PREP: variants seen among roughly 807,000 people sequenced by gnomAD.
PREP encodes the protein prolyl endopeptidase.
Under a neutral mutation model 87.6 loss-of-function variants are expected in PREP, and 29 were observed. The ratio of observed to expected loss-of-function variants is 0.33; its 90% confidence interval spans 0.25 to 0.45. PREP has a LOEUF of 0.45. PREP is among the 20% of genes least tolerant of loss of function. PREP has a pLI of 1.00. For synonymous variants in PREP, 337 were observed against 328.6 expected, an observed-to-expected ratio of 1.03 and a Z score of -0.28; for missense variants, 695 against 886.5, an observed-to-expected ratio of 0.78 and a Z score of 2.74.
intron 7 of PREP, among the ~76,000 whole-genome samples, chr6:105,352,356 G>C (rs1170469306): frequency 6.6e-6 from 1 of 152,128 alleles, no homozygotes; most frequent in East Asian, 1.9e-4. Context: ...TCCAGAATTT[G>C]TAACTGGCTG....
intron 2 of PREP, among the ~76,000 whole-genome samples, chr6:105,378,458 A>G (rs1772751108): frequency 6.6e-6 from 1 of 152,222 alleles, no homozygotes; most frequent in African/African-American, 2.4e-5. Context: ...AGACTGTCTT[A>G]AAACACACAC....
chr6:105,325,026 A>G (rs1394640313), intron 9 of PREP, among the ~76,000 whole-genome samples: 1 of 152,196 alleles, frequency 6.6e-6, no homozygotes. Flanking sequence ...TATACTTCCA[A>G]TTGCATTCTG....
chr6:105,342,026 TCA>T (rs1230663801), intron 7 of PREP, among the ~76,000 whole-genome samples: 3 of 152,140 alleles, frequency 2.0e-5, no homozygotes, highest in Non-Finnish European at 4.4e-5. Context: ...CCTCCCTAAC[TCA>T]TTTTACGAGG....
At chr6:105,382,787 G>C (rs143596301) in intron 2 of PREP, among the ~76,000 whole-genome samples, 1,541 of 152,284 alleles carry the variant, frequency 0.01, 11 homozygotes, top group Middle Eastern at 0.014. Context: ...GTAGAGACTG[G>C]CTCAGGCCCG....
intron 7 of PREP, among the ~76,000 whole-genome samples, chr6:105,339,076 G>C (rs189323336): frequency 2.0e-5 from 3 of 152,332 alleles, no homozygotes; most frequent in African/African-American, 7.2e-5. Flanking sequence ...AGAACGAACA[G>C]ACTGCCTCCT....
intron 10 of PREP, among the ~76,000 whole-genome samples, chr6:105,323,403 G>A (rs894621392): frequency 2.0e-4 from 31 of 152,042 alleles, no homozygotes; most frequent in African/African-American, 6.8e-4. Flanking sequence ...GTTACAATAG[G>A]AGCCCCAAGA....
At chr6:105,370,192 G>A (rs145138139) in intron 5 of PREP, among the ~76,000 whole-genome samples, 29 of 151,042 alleles carry the variant, frequency 1.9e-4, no homozygotes, top group Admixed American at 1.4e-3. Context: ...AGAAGATGCC[G>A]TGAGCTGAGA....
chr6:105,383,675 C>T (rs1772908994), intron 2 of PREP, among the ~76,000 whole-genome samples: 1 of 152,134 alleles, frequency 6.6e-6, no homozygotes, highest in African/African-American at 2.4e-5. Flanking sequence ...CTCTGCTTGT[C>T]CCCGTGTGGG....
Position 105,278,179 on chromosome 6 carries a change from T to C in PREP, c.2098A>G (p.Ile700Val), listed in dbSNP as rs763373862. ...CAGTCGACGTTCAGGCACCGCGCGA[T>C]GAACGCAAACATGTCTGAGACTTCC... is the stretch of plus-strand genomic sequence containing the variant. Reference protein sequence around the residue: ...IEEVSDMFAFIARCLNVDWIP With the variant: ...IEEVSDMFAFVARCLNVDWIP The change falls in exon 15 of 15, where the codon ATC (isoleucine) becomes GTC (valine). Residue 700 changes from isoleucine to valine, a missense_variant. By Grantham distance (29) the Ile-to-Val change is conservative (BLOSUM62 3). Transcript: ENST00000652536. This position sits in a 1 kb window ranked among gnomAD's most constrained non-coding sequence, Gnocchi z 4.2. 1 of 1,613,556 alleles carries C rather than the reference T, an allele frequency of 6.2e-7. No homozygotes were observed. The highest frequency in any genetic ancestry group is 1.1e-5 in the South Asian group (1 of 91,066).
Position 105,402,866 on chromosome 6 carries a change from A to C in PREP, c.26T>G (p.Val9Gly). 3.9e-6 allele frequency: 6 copies of C among 1,544,040 alleles called. No homozygotes were observed. The highest frequency in any genetic ancestry group is 4.4e-6 in the Non-Finnish European group (5 of 1,143,144). ...ACTTACGGCGGTCTCGTCGCGGTAC[A>C]CGTCGGGGTACTGAAGGGACAGCAT... is the stretch of plus-strand genomic sequence containing the variant. Reference protein sequence around the residue: MLSLQYPDVYRDETAVQDY... With the variant: MLSLQYPDGYRDETAVQDY... Residue 9 changes from valine to glycine, a missense_variant, in exon 1 of 15, where the codon GTG (valine) becomes GGG (glycine). Physicochemically the swap from Val to Gly is moderately radical, Grantham distance 109. Around this residue, in one of 5 missense-constraint regions of PREP, gnomAD observed 517 missense variants for 620.3 expected, o/e 0.83. Coordinates refer to ENST00000652536, the MANE Select transcript of PREP (RefSeq NM_002726.5).
chr6:105,329,299 T>C (rs1482915681), intron 8 of PREP, among the ~76,000 whole-genome samples: 2 of 152,086 alleles, frequency 1.3e-5, no homozygotes, highest in South Asian at 2.1e-4. Flanking sequence ...ATTACAGGTG[T>C]GTGCCACCAT....
In PREP at chr6:105,375,267, G is replaced by A. The variant is rs144167864; in HGVS notation, c.385+858C>T. ...GGGGCTCTATAACTCCCATCTTATT[G>A]ATTACAGAGGACTTCAATGTCTCAA... On this transcript the variant is annotated intron_variant, in intron 4 of 14. Transcript: ENST00000652536. Among the ~76,000 whole-genome samples the A allele has an allele frequency of 1.2e-3, 189 of 152,254 alleles. 3 individuals carry two copies. The highest frequency in any genetic ancestry group is 4.4e-3 in the African/African-American group (181 of 41,544).
intron 7 of PREP, among the ~76,000 whole-genome samples, chr6:105,345,401 G>A (rs866809441): frequency 6.6e-6 from 1 of 151,614 alleles, no homozygotes; most frequent in Non-Finnish European, 1.5e-5. Context: ...CTTCTTGGTG[G>A]GGACTGATTC....
chr6:105,402,886 C>G lies in PREP; in HGVS notation c.6G>C (p.Leu2=). M[L]SLQYPDVYRD... is the part of the protein sequence containing the mutation. ...GGTACACGTCGGGGTACTGAAGGGACAGCATGGCCGGGGACAGGCAGGGGG... is the reference window on the plus strand; with the variant it reads ...GGTACACGTCGGGGTACTGAAGGGAGAGCATGGCCGGGGACAGGCAGGGGG... The change falls in exon 1 of 15, where the codon CTG becomes CTC. Residue 2 remains leucine (L), a synonymous_variant. Coordinates refer to ENST00000652536, the MANE Select transcript of PREP (RefSeq NM_002726.5). 1.3e-6 allele frequency: 2 copies of G among 1,532,426 alleles called. No homozygotes were observed. The allele number at this position is 1,532,426 out of a possible 1,614,324, so 94.9% of individuals were successfully genotyped here. A position where few individuals can be genotyped will look rare whatever the true frequency, so the allele number is the denominator to read the frequency against.
intron 10 of PREP, chr6:105,322,771 C>T (rs147934826): frequency 9.5e-7 from 1 of 1,049,396 alleles, no homozygotes; most frequent in East Asian, 7.5e-5. Context: ...CAGCCCACCA[C>T]CTGTTTTAGT....
intron 7 of PREP, among the ~76,000 whole-genome samples, chr6:105,339,373 A>G (rs111479757): frequency 0.037 from 5,669 of 152,260 alleles, 245 homozygotes; most frequent in African/African-American, 0.11. Context: ...CCAAAACCCC[A>G]TCTGTACGTC....
Position 105,376,269 on chromosome 6 carries a change from A to G in PREP, c.255-14T>C. 6.2e-7 allele frequency: 1 copy of G among 1,611,228 alleles called. No individual in the cohort carries two copies. The highest frequency in any genetic ancestry group is 8.5e-7 in the Non-Finnish European group (1 of 1,178,628). ...AAATAAAAATACCTGGGGAACAGAG[A>G]TGGTCTTTATTCAGCTGTGGAGTTT... On this transcript the variant is annotated splice_polypyrimidine_tract_variant and intron_variant, in intron 3 of 14. Transcript: ENST00000652536.
intron 8 of PREP, among the ~76,000 whole-genome samples, chr6:105,330,348 G>A (rs1394551139): frequency 2.0e-5 from 3 of 152,180 alleles, no homozygotes; most frequent in African/African-American, 4.8e-5. Flanking sequence ...TAAAGTCTGG[G>A]CAGGAAAGAA....
In PREP at chr6:105,276,759, C is replaced by G. The variant is rs1769940838; in HGVS notation, c.*1385G>C. Among the ~76,000 whole-genome samples, 1 of 152,140 alleles carries G rather than the reference C, an allele frequency of 6.6e-6. No homozygotes were observed. The highest frequency in any genetic ancestry group is 1.5e-5 in the Non-Finnish European group (1 of 68,030). ...AGCCATATAGCTGTCTTTCAATATG[C>G]TTGGTATGCAGTGATATGCTTGATA... On this transcript the variant is annotated 3_prime_UTR_variant, in exon 15 of 15. Coordinates refer to ENST00000652536, the MANE Select transcript of PREP (RefSeq NM_002726.5).
Sources: allele counts gnomAD v4.1 joint callset (sites outside exome capture counted in the v4.1 genomes callset), GRCh38; gene constraint gnomAD v4.1.1; regional missense constraint gnomAD v4.1.1; non-coding constraint Gnocchi (gnomAD v3.1); transcripts MANE v1.5; gene names NCBI Gene and HGNC (gene_info 2026-07-23, HGNC 2026-07-21).